The following CACNA1C variants were observed in gnomAD, a reference collection of about 807,000 sequenced individuals.
CACNA1C encodes the protein calcium voltage-gated channel subunit alpha1 C.
A neutral mutation model predicts 229.0 loss-of-function variants in CACNA1C; 30 were observed. That is an observed-to-expected ratio of 0.13 (90% CI 0.10 to 0.18). The LOEUF (loss-of-function observed/expected upper bound fraction) is 0.18, where lower values mean the gene tolerates loss of function less well. Among genes scored for constraint, CACNA1C ranks in the 10% least tolerant of loss-of-function variants. CACNA1C has a pLI of 1.00. For synonymous variants in CACNA1C, 1,114 were observed against 1,132.5 expected, an observed-to-expected ratio of 0.98 and a Z score of 0.33; for missense variants, 1,658 against 2,845.0, an observed-to-expected ratio of 0.58 and a Z score of 9.49.
upstream of CACNA1C, among the ~76,000 whole-genome samples, chr12:2,052,637 T>C (rs1327885114): frequency 1.4e-5 from 2 of 143,894 alleles, no homozygotes; most frequent in South Asian, 2.1e-4. Context: ...CCACCGCGGC[T>C]GGCGCCCGGG....
At chr12:2,104,281 G>A (rs1381896554) in intron 1 of CACNA1C, among the ~76,000 whole-genome samples, 1 of 152,118 alleles carries the variant, frequency 6.6e-6, no homozygotes, top group Non-Finnish European at 1.5e-5. Context: ...CCTTGAAGAG[G>A]TCCTTCACAT....
At position 1,984,264 on chromosome 12, in the gene CACNA1C, G is replaced by A. The variant is rs975212283; in HGVS notation, c.139+13063G>A. ...ATGGTTGAACTTGGGTAGGTCTACC[G>A]TTTTATTTTTTGTTTAATGTTTGTC... On this transcript the variant is annotated intron_variant, in intron 1 of 46. Coordinates refer to the CACNA1C transcript ENST00000682462. Among the ~76,000 whole-genome samples the A allele has an allele frequency of 5.9e-5, 9 of 152,012 alleles. No homozygotes were observed. The East Asian group carries it at 1.7e-3, about 29-fold the overall frequency.
chr12:2,376,118 TAGA>T (rs1452432914), intron 3 of CACNA1C, among the ~76,000 whole-genome samples: 1 of 152,228 alleles, frequency 6.6e-6, no homozygotes, highest in Non-Finnish European at 1.5e-5. Context: ...GGTTGCTCAG[TAGA>T]AGGAGCAGCC....
chr12:2,447,880 G>C (rs974350733), intron 3 of CACNA1C, among the ~76,000 whole-genome samples: 21 of 152,252 alleles, frequency 1.4e-4, no homozygotes, highest in South Asian at 8.3e-4. Flanking sequence ...TCTGAGCCGA[G>C]TGCCCACTTG....
At chr12:2,565,825 C>G (rs898696831) in intron 11 of CACNA1C, among the ~76,000 whole-genome samples, 1 of 152,218 alleles carries the variant, frequency 6.6e-6, no homozygotes, top group Non-Finnish European at 1.5e-5. Flanking sequence ...ACCCCTTCTA[C>G]CATATGGATG....
chr12:2,180,407 C>G (rs2096799356), intron 3 of CACNA1C, among the ~76,000 whole-genome samples: 1 of 152,234 alleles, frequency 6.6e-6, no homozygotes, highest in African/African-American at 2.4e-5. Flanking sequence ...TGGAGCCCTC[C>G]TGCTTTGGAG....
intron 29 of CACNA1C, among the ~76,000 whole-genome samples, chr12:2,622,005 G>A (rs1355813581): frequency 6.6e-6 from 1 of 152,120 alleles, no homozygotes; most frequent in African/African-American, 2.4e-5. Context: ...GAGAAGAGTT[G>A]GAGAACATGC....
chr12:2,323,584 T>G (rs1011444080), intron 3 of CACNA1C, among the ~76,000 whole-genome samples: 1 of 152,140 alleles, frequency 6.6e-6, no homozygotes, highest in African/African-American at 2.4e-5. Flanking sequence ...GCCCACACAC[T>G]GAGCTTGCTG....
intron 1 of CACNA1C, among the ~76,000 whole-genome samples, chr12:2,078,827 C>T (rs921261957): frequency 2.0e-5 from 3 of 152,224 alleles, no homozygotes; most frequent in East Asian, 1.9e-4. Flanking sequence ...GACACATGCA[C>T]ACGTATGTTT....
At chr12:2,556,077 C>T (rs972186672) in intron 10 of CACNA1C, among the ~76,000 whole-genome samples, 3 of 152,206 alleles carry the variant, frequency 2.0e-5, no homozygotes, top group African/African-American at 4.8e-5. Flanking sequence ...AGCACCAAAG[C>T]CAAGCTGACA....
intron 38 of CACNA1C, among the ~76,000 whole-genome samples, chr12:2,669,245 C>A (rs2096415805): frequency 1.3e-5 from 2 of 152,128 alleles, no homozygotes; most frequent in Non-Finnish European, 2.9e-5. Flanking sequence ...CTGCCTCTAG[C>A]TCAGGGGTTT....
chr12:2,526,024 A>G (rs12231350), intron 9 of CACNA1C, among the ~76,000 whole-genome samples: 24,235 of 152,084 alleles, frequency 0.16, 2,298 homozygotes, highest in East Asian at 0.24. Context: ...AATAGAAGGC[A>G]ATTGGCAGCG....
intron 18 of CACNA1C, among the ~76,000 whole-genome samples, chr12:2,587,056 G>A (rs2062790981): frequency 6.6e-6 from 1 of 152,204 alleles, no homozygotes; most frequent in Non-Finnish European, 1.5e-5. Flanking sequence ...GGGAAATGGG[G>A]GAAATTGAAT....
chr12:2,101,071 T>C (rs2076245020), intron 1 of CACNA1C, among the ~76,000 whole-genome samples: 3 of 152,132 alleles, frequency 2.0e-5, no homozygotes, highest in Admixed American at 2.0e-4. Context: ...GGACCCTGTT[T>C]TTGCTTAATA....
At chr12:2,132,175 A>G (rs930993852) in intron 3 of CACNA1C, among the ~76,000 whole-genome samples, 9 of 142,252 alleles carry the variant, frequency 6.3e-5, no homozygotes, top group Non-Finnish European at 1.4e-4. Context: ...ACTTTGCTGA[A>G]ATTGCTTATC....
chr12:2,488,926 C>T lies in CACNA1C; in HGVS notation c.916+2664C>T, dbSNP rs2099707274. Among the ~76,000 whole-genome samples the T allele has an allele frequency of 6.6e-6, 1 of 152,232 alleles. No homozygotes were observed. Among genetic ancestry groups the T allele is most frequent in the African/African-American group, 2.4e-5 (1 of 41,464 alleles). The stretch of plus-strand genomic sequence containing the variant: ...TAGCACAACACGATGCCGCTGCTAT[C>T]AAGCCCTTGTCCACCCACAGAGTGG... On this transcript the variant is annotated intron_variant, in intron 6 of 46. Coordinates refer to ENST00000399655, the MANE Select transcript of CACNA1C (RefSeq NM_000719.7). This position sits in a 1 kb window ranked among gnomAD's most constrained non-coding sequence, Gnocchi z 4.0.
intron 3 of CACNA1C, among the ~76,000 whole-genome samples, chr12:2,194,742 C>T (rs1477038531): frequency 1.3e-5 from 2 of 152,144 alleles, no homozygotes; most frequent in Non-Finnish European, 2.9e-5. Flanking sequence ...CATGCAGGAA[C>T]GTTTCTCCCC....
chr12:2,491,426 A>G (rs1372841926), intron 6 of CACNA1C, among the ~76,000 whole-genome samples: 1 of 151,714 alleles, frequency 6.6e-6, no homozygotes, highest in Non-Finnish European at 1.5e-5. Context: ...AAGAGAGGAG[A>G]GGAGAAGAAG....
At chr12:2,341,923 T>G (rs188385155) in intron 3 of CACNA1C, among the ~76,000 whole-genome samples, 16 of 152,326 alleles carry the variant, frequency 1.1e-4, no homozygotes, top group Admixed American at 1.0e-3. Flanking sequence ...AGCTCATGGC[T>G]GCATTTAAGG....
Sources: allele counts gnomAD v4.1 joint callset (sites outside exome capture counted in the v4.1 genomes callset), GRCh38; gene constraint gnomAD v4.1.1; non-coding constraint Gnocchi (gnomAD v3.1); transcripts MANE v1.5; gene names NCBI Gene and HGNC (gene_info 2026-07-23, HGNC 2026-07-21).